Variants in MARCHF1 observed in about 807,000 individuals in gnomAD.
The protein encoded by MARCHF1 is membrane associated ring-CH-type finger 1, also known as E3 ubiquitin-protein ligase MARCHF1.
A neutral mutation model predicts 54.2 loss-of-function variants in MARCHF1; 40 were observed. That is an observed-to-expected ratio of 0.74 (90% CI 0.57 to 0.96). The LOEUF is 0.96. MARCHF1 is among the 40% of genes least tolerant of loss of function. The probability of loss-of-function intolerance (pLI) is 0.00; values close to 1 mark genes in which losing one functional copy is unlikely to be tolerated. For synonymous variants in MARCHF1, 236 were observed against 236.3 expected, an observed-to-expected ratio of 1.00 and a Z score of 0.01; for missense variants, 586 against 656.5, an observed-to-expected ratio of 0.89 and a Z score of 1.17.
intron 8 of MARCHF1, among the ~76,000 whole-genome samples, chr4:163,546,363 C>T (rs910113287): frequency 6.6e-6 from 1 of 152,174 alleles, no homozygotes; most frequent in African/African-American, 2.4e-5. Context: ...TTTTGCAAGT[C>T]TATAGTTTCC....
chr4:163,565,889 T>C (rs1356829883), intron 8 of MARCHF1, among the ~76,000 whole-genome samples: 1 of 152,204 alleles, frequency 6.6e-6, no homozygotes, highest in African/African-American at 2.4e-5. Context: ...AAGCTAGTTA[T>C]TAGTTAAATA....
At position 164,190,759 on chromosome 4, in the gene MARCHF1, G is replaced by C. The variant is rs561622526; in HGVS notation, c.-322-79097C>G. ...AGAATGTCCAACTTTTGACTGTTGAGTTTCATCTTCATATGAAATCCTTTT... is the reference window on the plus strand; with the variant it reads ...AGAATGTCCAACTTTTGACTGTTGACTTTCATCTTCATATGAAATCCTTTT... On this transcript the variant is annotated intron_variant, in intron 1 of 9. Coordinates refer to ENST00000514618, the MANE Select transcript of MARCHF1 (RefSeq NM_001394959.1). Among the ~76,000 whole-genome samples, 7 of 152,292 alleles carry C rather than the reference G, an allele frequency of 4.6e-5. No individual in the cohort carries two copies. In the East Asian group the frequency reaches 1.4e-3, roughly 29 times the overall value.
intron 4 of MARCHF1, among the ~76,000 whole-genome samples, chr4:163,761,719 G>C (rs748839945): frequency 2.6e-5 from 4 of 152,126 alleles, no homozygotes; most frequent in Non-Finnish European, 5.9e-5. Context: ...TAGCCAAGTT[G>C]ACACACTACA....
At chr4:163,986,367 C>G (rs1421115371) in intron 3 of MARCHF1, among the ~76,000 whole-genome samples, 4 of 149,222 alleles carry the variant, frequency 2.7e-5, no homozygotes, top group Non-Finnish European at 5.9e-5. Context: ...CGGGTTCACG[C>G]CATTCTCCTG....
At chr4:164,114,097 A>T (rs1248681348) in intron 1 of MARCHF1, among the ~76,000 whole-genome samples, 3 of 151,940 alleles carry the variant, frequency 2.0e-5, no homozygotes, top group Non-Finnish European at 4.4e-5. Context: ...TCGATTTAAT[A>T]ACATATATGA....
chr4:163,660,634 A>C (rs1207672336), intron 5 of MARCHF1, among the ~76,000 whole-genome samples: 1 of 151,990 alleles, frequency 6.6e-6, no homozygotes, highest in African/African-American at 2.4e-5. Flanking sequence ...ATGTAATGAG[A>C]AACTGGTTTA....
In MARCHF1 at chr4:163,546,791, G is replaced by A. The variant is rs180960727; in HGVS notation, c.1192-1048C>T. On this transcript the variant is annotated intron_variant, in intron 8 of 9. Coordinates refer to ENST00000514618, the MANE Select transcript of MARCHF1 (RefSeq NM_001394959.1). ...CTCAGTCTGGGAGAGGAAGAAGGCC[G>A]CAAGTTTTATTGAAGTTATGGTCTC... Among the ~76,000 whole-genome samples the A allele has an allele frequency of 1.9e-3, 289 of 152,232 alleles. 1 individual carries two copies. In the Middle Eastern group the frequency reaches 0.041, roughly 22 times the overall value.
intron 3 of MARCHF1, among the ~76,000 whole-genome samples, chr4:163,938,212 T>C (rs1413681510): frequency 6.6e-6 from 1 of 152,192 alleles, no homozygotes; most frequent in South Asian, 2.1e-4. Context: ...GGAAATGTTA[T>C]GTGAAATAAA....
intron 1 of MARCHF1, among the ~76,000 whole-genome samples, chr4:164,229,471 C>G (rs1732353093): frequency 6.6e-6 from 1 of 152,128 alleles, no homozygotes; most frequent in African/African-American, 2.4e-5. Context: ...AGTGGTGTTT[C>G]TTGAAAAAGG....
intron 8 of MARCHF1, among the ~76,000 whole-genome samples, chr4:163,569,726 T>C (rs1366135952): frequency 2.0e-5 from 3 of 152,122 alleles, no homozygotes. Context: ...ACTGGTCAAA[T>C]GCAGTAGATT....
intron 1 of MARCHF1, among the ~76,000 whole-genome samples, chr4:164,265,579 CT>C (rs1733590241): frequency 6.6e-6 from 1 of 150,818 alleles, no homozygotes; most frequent in Non-Finnish European, 1.5e-5. Flanking sequence ...CTTTTACTTT[CT>C]GCTTATGACT....
At chr4:164,118,714 G>T (rs1374040236) in intron 1 of MARCHF1, among the ~76,000 whole-genome samples, 1 of 151,368 alleles carries the variant, frequency 6.6e-6, no homozygotes. Flanking sequence ...ATGTGTGAAG[G>T]TATTACAGTA....
chr4:164,037,195 C>T (rs1486945972), intron 2 of MARCHF1, among the ~76,000 whole-genome samples: 2 of 152,028 alleles, frequency 1.3e-5, no homozygotes, highest in African/African-American at 4.8e-5. Context: ...CAGAGATGCT[C>T]AGTAGGCTGT....
chr4:164,276,495 T>C (rs1733884590), intron 1 of MARCHF1, among the ~76,000 whole-genome samples: 1 of 151,886 alleles, frequency 6.6e-6, no homozygotes, highest in Admixed American at 6.6e-5. Flanking sequence ...TGTGTGTACA[T>C]GTGCACACAC....
intron 4 of MARCHF1, among the ~76,000 whole-genome samples, chr4:163,830,184 A>G (rs993253144): frequency 1.6e-4 from 24 of 152,206 alleles, no homozygotes; most frequent in African/African-American, 5.3e-4. Flanking sequence ...TAGATCAAAC[A>G]ACACCTAGTA....
chr4:163,737,970 TGC>T, intron 4 of MARCHF1, among the ~76,000 whole-genome samples: 1 of 76,530 alleles, frequency 1.3e-5, no homozygotes, highest in Admixed American at 1.3e-4. Context: ...GTATGTTTAT[TGC>T]GGCACTATTC....
At position 164,162,926 on chromosome 4, in the gene MARCHF1, C is replaced by A. The variant is rs192071244; in HGVS notation, c.-322-51264G>T. Among the ~76,000 whole-genome samples the A allele has an allele frequency of 3.2e-3, 487 of 152,112 alleles. 1 individual carries two copies. The highest frequency in any genetic ancestry group is 0.011 in the African/African-American group (461 of 41,518). On this transcript the variant is annotated intron_variant, in intron 1 of 9. Coordinates refer to ENST00000514618, the MANE Select transcript of MARCHF1 (RefSeq NM_001394959.1). ...TTTAAATAAGCAACAGTTTTACTGA[C>A]AGCTAACTTCTCAAGAGCAACAGTG...
chr4:164,350,351 G>C (rs1490835910), intron 1 of MARCHF1, among the ~76,000 whole-genome samples: 1 of 152,116 alleles, frequency 6.6e-6, no homozygotes, highest in Non-Finnish European at 1.5e-5. Context: ...AAGTGGGAAG[G>C]GTTGGGGGGA....
At chr4:163,929,957 A>ATTT (rs1553963990) in intron 3 of MARCHF1, among the ~76,000 whole-genome samples, 1 of 100,308 alleles carries the variant, frequency 1.0e-5, no homozygotes, top group Non-Finnish European at 1.9e-5. Flanking sequence ...TATATATATT[A>ATTT]TATATAATAT....
Sources: allele counts gnomAD v4.1 joint callset (sites outside exome capture counted in the v4.1 genomes callset), GRCh38; gene constraint gnomAD v4.1.1; transcripts MANE v1.5; gene names NCBI Gene and HGNC (gene_info 2026-07-23, HGNC 2026-07-21).